Variants in MAML2 observed in about 807,000 individuals in gnomAD.
MAML2 encodes mastermind like transcriptional coactivator 2.
In MAML2, 22 loss-of-function variants were observed where a neutral mutation model predicts 96.1. The ratio of observed to expected loss-of-function variants is 0.23; its 90% confidence interval spans 0.16 to 0.33. The LOEUF (loss-of-function observed/expected upper bound fraction) is 0.33. Ranked by LOEUF, MAML2 falls within the 10% of genes least tolerant of loss-of-function variation. The pLI, the probability that MAML2 is intolerant of heterozygous loss-of-function variation, is 1.00. For synonymous variants in MAML2, 561 were observed against 521.3 expected (o/e 1.08, Z -1.04); for missense variants, 1,367 against 1,392.4 (o/e 0.98, Z 0.29).
chr11:96,325,442 A>T (rs1863762040), intron 1 of MAML2, among the ~76,000 whole-genome samples: 1 of 152,176 alleles, frequency 6.6e-6, no homozygotes, highest in African/African-American at 2.4e-5. Flanking sequence ...AGATATTATT[A>T]CCATTTCTCA....
chr11:96,260,964 G>A (rs757707977), intron 1 of MAML2, among the ~76,000 whole-genome samples: 49 of 152,186 alleles, frequency 3.2e-4, no homozygotes, highest in Non-Finnish European at 5.9e-4. Flanking sequence ...AACCAATATA[G>A]CATATCATGG....
chr11:96,007,247 G>A (rs940982700), intron 2 of MAML2, among the ~76,000 whole-genome samples: 4 of 150,456 alleles, frequency 2.7e-5, no homozygotes, highest in East Asian at 2.0e-4. Context: ...TCCCGACCTC[G>A]TGATCCACCC....
intron 1 of MAML2, among the ~76,000 whole-genome samples, chr11:96,225,978 G>A (rs1862205069): frequency 6.6e-6 from 1 of 152,120 alleles, no homozygotes; most frequent in Non-Finnish European, 1.5e-5. Flanking sequence ...TTGTAATCTG[G>A]AACCCACCTT....
chr11:96,258,219 T>C (rs943680604), intron 1 of MAML2, among the ~76,000 whole-genome samples: 13 of 152,208 alleles, frequency 8.5e-5, no homozygotes, highest in African/African-American at 3.1e-4. Context: ...TATATCATCT[T>C]CTGCCTACCT....
intron 1 of MAML2, among the ~76,000 whole-genome samples, chr11:96,128,057 C>A (rs1012484607): frequency 3.3e-5 from 5 of 152,096 alleles, no homozygotes; most frequent in Non-Finnish European, 5.9e-5. Flanking sequence ...GTACAGGATG[C>A]GGACTGGGTG....
At chr11:96,170,782 T>G (rs1202764717) in intron 1 of MAML2, among the ~76,000 whole-genome samples, 11 of 152,184 alleles carry the variant, frequency 7.2e-5, no homozygotes, top group Non-Finnish European at 1.5e-5. Context: ...TGGCGTGATC[T>G]TGGCTCACTG....
chr11:96,246,467 G>A (rs1000563800), intron 1 of MAML2, among the ~76,000 whole-genome samples: 26 of 152,110 alleles, frequency 1.7e-4, no homozygotes, highest in African/African-American at 6.3e-4. Context: ...GCTTCTGCCT[G>A]GGGTGTCAAG....
intron 1 of MAML2, among the ~76,000 whole-genome samples, chr11:96,206,705 T>C (rs1861901150): frequency 6.6e-6 from 1 of 152,250 alleles, no homozygotes; most frequent in African/African-American, 2.4e-5. Context: ...AGATGTTTTC[T>C]TCTTTTATTC....
intron 1 of MAML2, among the ~76,000 whole-genome samples, chr11:96,299,081 A>ATATATATATATATATATATATATATAT (rs1487119307): frequency 2.9e-5 from 4 of 136,366 alleles, no homozygotes; most frequent in African/African-American, 1.1e-4. Flanking sequence ...ATATATATAT[A>ATATATATATATATATATATATATATAT]AAATTTCACC....
intron 1 of MAML2, among the ~76,000 whole-genome samples, chr11:96,321,916 A>T (rs1863707632): frequency 1.3e-5 from 2 of 152,228 alleles, no homozygotes; most frequent in Admixed American, 1.3e-4. Context: ...GTTTTGAGTT[A>T]TATGAGTGGA....
chr11:95,988,627 G>A (rs1238516289), intron 3 of MAML2, among the ~76,000 whole-genome samples: 1 of 147,478 alleles, frequency 6.8e-6, no homozygotes, highest in Non-Finnish European at 1.5e-5. Context: ...CAGAAATTTA[G>A]GTTTCTTAAA....
At chr11:96,268,266 G>C (rs1862859501) in intron 1 of MAML2, among the ~76,000 whole-genome samples, 1 of 152,162 alleles carries the variant, frequency 6.6e-6, no homozygotes, top group African/African-American at 2.4e-5. Flanking sequence ...CTTGAGTCCA[G>C]GAGTTCGAGA....
At chr11:96,233,810 G>C (rs187070659) in intron 1 of MAML2, among the ~76,000 whole-genome samples, 1 of 152,132 alleles carries the variant, frequency 6.6e-6, no homozygotes, top group Admixed American at 6.5e-5. Flanking sequence ...TTCACCTGCC[G>C]TGTAGTTGGT....
intron 1 of MAML2, among the ~76,000 whole-genome samples, chr11:96,296,533 C>T (rs1273650107): frequency 1.4e-4 from 22 of 152,164 alleles, no homozygotes; most frequent in Admixed American, 1.4e-3. Flanking sequence ...ATCCCAGCTA[C>T]TGGGGAGGCT....
chr11:96,068,809 G>A (rs1389396383), intron 2 of MAML2, among the ~76,000 whole-genome samples: 8 of 141,346 alleles, frequency 5.7e-5, no homozygotes, highest in South Asian at 4.4e-4. Context: ...CAGCCTGGGC[G>A]ACAGAGCAAG....
intron 2 of MAML2, among the ~76,000 whole-genome samples, chr11:96,032,349 G>T (rs1389067873): frequency 6.6e-6 from 1 of 152,126 alleles, no homozygotes; most frequent in Non-Finnish European, 1.5e-5. Flanking sequence ...AGCACTTTGG[G>T]AGGCCGAGGC....
Position 96,343,027 on chromosome 11 carries a change from T to G in MAML2, c.-1132A>C, listed in dbSNP as rs893527352. ...TCGCAATAAGCAATCTGGTTCTATCTCCTGTATTTGCTCCGCTTTATAGAT... is the reference window on the plus strand; with the variant it reads ...TCGCAATAAGCAATCTGGTTCTATCGCCTGTATTTGCTCCGCTTTATAGAT... On this transcript the variant is annotated 5_prime_UTR_variant, in exon 1 of 5. Transcript: ENST00000524717. The G allele has an allele frequency of 2.3e-5, 9 of 395,044 alleles. No individual in the cohort carries two copies. Among genetic ancestry groups the G allele is most frequent in the African/African-American group, 1.6e-4 (8 of 48,536 alleles). 24.5% of individuals were successfully genotyped at this position (395,044 alleles called of 1,614,324 possible). A position where few individuals can be genotyped will look rare whatever the true frequency, so the allele number is the denominator to read the frequency against.
rs1050917116 is a variant in MAML2 at position 96,323,000 on chromosome 11, T to C, written c.513+18383A>G. 2.6e-5 allele frequency among the ~76,000 whole-genome samples: 4 copies of C among 152,132 alleles called. No homozygotes were observed. The South Asian group carries it at 8.3e-4, about 32-fold the overall frequency. ...ACGAAACTGTGGAATGCGTCCACAC[T>C]GAAAATGCATATATGCCATCGCACA... On this transcript the variant is annotated intron_variant, in intron 1 of 4. Transcript: ENST00000524717.
chr11:96,151,285 C>A (rs2135877970), intron 1 of MAML2, among the ~76,000 whole-genome samples: 1 of 152,312 alleles, frequency 6.6e-6, no homozygotes. Context: ...AATGCAGCGT[C>A]TTTCTTGATT....
Sources: allele counts gnomAD v4.1 joint callset (sites outside exome capture counted in the v4.1 genomes callset), GRCh38; gene constraint gnomAD v4.1.1; transcripts MANE v1.5; gene names NCBI Gene and HGNC (gene_info 2026-07-23, HGNC 2026-07-21).